Variants in PPIL4 observed in about 807,000 individuals in gnomAD.
PPIL4 encodes the protein peptidyl-prolyl cis-trans isomerase-like 4.
A neutral mutation model predicts 69.1 loss-of-function variants in PPIL4; 50 were observed. The observed-to-expected ratio is 0.72, with a 90% confidence interval of 0.58 to 0.92. PPIL4 has a LOEUF of 0.92. PPIL4 is among the 40% of genes least tolerant of loss of function. PPIL4 has a pLI of 0.00. For synonymous variants in PPIL4, 193 were observed against 191.6 expected, an observed-to-expected ratio of 1.01 and a Z score of -0.06; for missense variants, 480 against 587.9, an observed-to-expected ratio of 0.82 and a Z score of 1.90.
intron 1 of PPIL4, among the ~76,000 whole-genome samples, chr6:149,542,130 A>G (rs950810574): frequency 2.6e-5 from 4 of 152,130 alleles, no homozygotes; most frequent in African/African-American, 9.7e-5. Flanking sequence ...AATACAGAAA[A>G]CTGACACTTA....
At chr6:149,540,384 A>G (rs935461183) in intron 4 of PPIL4, among the ~76,000 whole-genome samples, 1 of 152,210 alleles carries the variant, frequency 6.6e-6, no homozygotes, top group Non-Finnish European at 1.5e-5. Flanking sequence ...TGGGAGGCCA[A>G]GGCAGGCGGA....
intron 4 of PPIL4, among the ~76,000 whole-genome samples, chr6:149,538,756 C>A (rs550684514): frequency 7.9e-4 from 120 of 152,190 alleles, no homozygotes; most frequent in Non-Finnish European, 1.4e-3. Flanking sequence ...AGAAGTAGAG[C>A]CTGAAGATGG....
intron 11 of PPIL4, among the ~76,000 whole-genome samples, chr6:149,512,899 C>T (rs1454791292): frequency 1.3e-5 from 2 of 151,854 alleles, no homozygotes; most frequent in African/African-American, 4.8e-5. Flanking sequence ...CATGCCACCA[C>T]GCCTGACTAA....
chr6:149,542,279 G>A (rs377304416), intron 1 of PPIL4, among the ~76,000 whole-genome samples: 2 of 152,008 alleles, frequency 1.3e-5, no homozygotes, highest in African/African-American at 2.4e-5. Flanking sequence ...TCAAACACCC[G>A]GGGTCATTTT....
chr6:149,533,981 C>A (rs1777237096), intron 6 of PPIL4, among the ~76,000 whole-genome samples: 1 of 151,966 alleles, frequency 6.6e-6, no homozygotes, highest in Non-Finnish European at 1.5e-5. Context: ...CACAGTGAAA[C>A]CCTGTCTCTA....
rs577161844 is a variant in PPIL4, at chr6:149,519,823, T to C, written c.982+1237A>G. Among the ~76,000 whole-genome samples the C allele has an allele frequency of 7.2e-5, 11 of 152,286 alleles. No homozygotes were observed. The East Asian group carries it at 1.3e-3, about 19-fold the overall frequency. Reference sequence around the variant, plus strand: ...TTAAAAGCATGGGAAATAAGTGTTATAGAAAAAGAAAGTAACCCTGAAATT... The same window carrying C: ...TTAAAAGCATGGGAAATAAGTGTTACAGAAAAAGAAAGTAACCCTGAAATT... On this transcript the variant is annotated intron_variant, in intron 10 of 12. Coordinates refer to ENST00000253329, the MANE Select transcript of PPIL4 (RefSeq NM_139126.4).
At chr6:149,522,930 A>G (rs1338070752) in intron 9 of PPIL4, among the ~76,000 whole-genome samples, 1 of 152,164 alleles carries the variant, frequency 6.6e-6, no homozygotes, top group Admixed American at 6.5e-5. Context: ...TTTTAAATAA[A>G]TGGTGCTGTC....
chr6:149,505,328 A>G lies in PPIL4; in HGVS notation c.*125T>C. 1.2e-6 allele frequency: 1 copy of G among 839,076 alleles called. No individual in the cohort carries two copies. 52.0% of individuals were successfully genotyped at this position (839,076 alleles called of 1,614,324 possible). A position where few individuals can be genotyped will look rare whatever the true frequency, so the allele number is the denominator to read the frequency against. On this transcript the variant is annotated 3_prime_UTR_variant, in exon 13 of 13. Coordinates refer to ENST00000253329, the MANE Select transcript of PPIL4 (RefSeq NM_139126.4). ...CTCTATATAATCAGTATTAATCTAA[A>G]GACCATAATCCTAGTATGAAAAAAA...
intron 4 of PPIL4, among the ~76,000 whole-genome samples, chr6:149,537,783 C>T (rs145713879): frequency 9.3e-4 from 142 of 152,166 alleles, no homozygotes; most frequent in African/African-American, 3.3e-3. Flanking sequence ...GATGACAGCA[C>T]ATCTGTTTAC....
intron 2 of PPIL4, 43 bp downstream of exon 2, chr6:149,541,476 T>C (rs200878988): frequency 2.1e-5 from 32 of 1,516,048 alleles, no homozygotes; most frequent in East Asian, 1.4e-4. Flanking sequence ...GTTTGTTAGA[T>C]AGTTCCAATA....
At chr6:149,518,060 C>A (rs1044007846) in intron 10 of PPIL4, among the ~76,000 whole-genome samples, 1 of 152,042 alleles carries the variant, frequency 6.6e-6, no homozygotes, top group Non-Finnish European at 1.5e-5. Flanking sequence ...TAGAAGAGGG[C>A]AGGATGTGCA....
At chr6:149,534,569 T>C in intron 6 of PPIL4, 109 bp downstream of exon 6, 1 of 601,130 alleles carries the variant, frequency 1.7e-6, no homozygotes. Flanking sequence ...TTGAATATAA[T>C]TAAGCAAGAT....
intron 7 of PPIL4, among the ~76,000 whole-genome samples, chr6:149,529,821 AG>A (rs201759720): frequency 0.027 from 4,032 of 151,900 alleles, 163 homozygotes; most frequent in African/African-American, 0.091. Flanking sequence ...GAAAGGAGAA[AG>A]GGAAAGGGAA....
At chr6:149,536,242 G>C (rs1047421855) in intron 4 of PPIL4, among the ~76,000 whole-genome samples, 3 of 152,034 alleles carry the variant, frequency 2.0e-5, no homozygotes, top group African/African-American at 7.2e-5. Context: ...CCCTCTCAGT[G>C]CTCCCTATTC....
intron 1 of PPIL4, among the ~76,000 whole-genome samples, chr6:149,543,682 C>T (rs1272544479): frequency 6.6e-6 from 1 of 151,558 alleles, no homozygotes; most frequent in Non-Finnish European, 1.5e-5. Flanking sequence ...GGTACTTAAG[C>T]TCATAGTTCC....
rs575109314 is a variant in PPIL4, at chr6:149,537,417, T to C, written c.322-1679A>G. On this transcript the variant is annotated intron_variant, in intron 4 of 12. Transcript: ENST00000253329. ...AAAATCCCAAGGCCGTTAAGAATGA[T>C]GCTAAATCGGCCGGGCGCGGTGGCT... 1.3e-3 allele frequency among the ~76,000 whole-genome samples: 197 copies of C among 152,094 alleles called. 1 individual carries two copies. The highest frequency in any genetic ancestry group is 4.7e-3 in the African/African-American group (195 of 41,516).
At chr6:149,527,996 C>T (rs9800648) in intron 7 of PPIL4, among the ~76,000 whole-genome samples, 29,689 of 152,198 alleles carry the variant, frequency 0.2, 4,407 homozygotes, top group East Asian at 0.77. Context: ...TAGCTCACAC[C>T]TGTAATCCCA....
At chr6:149,516,201 A>G (rs1776941269) in intron 11 of PPIL4, among the ~76,000 whole-genome samples, 1 of 152,208 alleles carries the variant, frequency 6.6e-6, no homozygotes, top group Non-Finnish European at 1.5e-5. Context: ...AATGTATTCC[A>G]TTCATAACTT....
intron 12 of PPIL4, among the ~76,000 whole-genome samples, chr6:149,507,774 A>G (rs966869761): frequency 6.6e-6 from 1 of 152,248 alleles, no homozygotes; most frequent in African/African-American, 2.4e-5. Context: ...TTTCAAAGCT[A>G]CACAAGCTTT....
Sources: gnomAD v4.1 joint callset for allele counts (sites outside exome capture counted in the v4.1 genomes callset) on GRCh38, gnomAD v4.1.1 for gene constraint, MANE v1.5 for transcripts, NCBI Gene and HGNC (gene_info 2026-07-23, HGNC 2026-07-21) for gene names.